The following GRIP1 variants were observed in gnomAD, a reference collection of about 807,000 sequenced individuals.
GRIP1 encodes the protein glutamate receptor interacting protein 1.
Under a neutral mutation model 129.9 loss-of-function variants are expected in GRIP1, and 45 were observed. The ratio of observed to expected loss-of-function variants is 0.35; its 90% CI spans 0.27 to 0.44. The LOEUF (loss-of-function observed/expected upper bound fraction) is 0.44, where lower values mean the gene tolerates loss of function less well. Ranked by LOEUF, GRIP1 falls within the 20% of genes least tolerant of loss-of-function variation. The pLI, the probability that GRIP1 is intolerant of heterozygous loss-of-function variation, is 1.00. For synonymous variants in GRIP1, 530 were observed against 520.8 expected (o/e 1.02, Z -0.24); for missense variants, 1,196 against 1,396.8 (o/e 0.86, Z 2.29).
intron 1 of GRIP1, among the ~76,000 whole-genome samples, chr12:66,766,693 C>T (rs770151795): frequency 3.9e-5 from 6 of 152,066 alleles, no homozygotes; most frequent in East Asian, 3.9e-4. Context: ...TCTCACGTTA[C>T]GAGCAAAACC....
intron 9 of GRIP1, among the ~76,000 whole-genome samples, chr12:66,457,703 G>A (rs1308542830): frequency 2.0e-5 from 3 of 152,162 alleles, no homozygotes; most frequent in African/African-American, 7.2e-5. Flanking sequence ...TGTGATGCCA[G>A]CTGAATTGGT....
chr12:66,471,228 A>G (rs1289956277), intron 7 of GRIP1, among the ~76,000 whole-genome samples: 1 of 152,240 alleles, frequency 6.6e-6, no homozygotes, highest in South Asian at 2.1e-4. Context: ...GAAACAAAAT[A>G]AGTAATACAA....
At chr12:66,809,839 T>G in intron 1 of GRIP1, among the ~76,000 whole-genome samples, 1 of 152,022 alleles carries the variant, frequency 6.6e-6, no homozygotes, top group Non-Finnish European at 1.5e-5. Flanking sequence ...TTTGTTTTGT[T>G]TTGAGACAGA....
intron 23 of GRIP1, 56 bp downstream of exon 23, chr12:66,371,638 C>T: frequency 9.1e-7 from 1 of 1,094,222 alleles, no homozygotes; most frequent in South Asian, 1.2e-5. Context: ...GGCGTACATG[C>T]TATGCAGAAT....
At chr12:66,468,698 T>A (rs2059355308) in intron 7 of GRIP1, among the ~76,000 whole-genome samples, 1 of 150,266 alleles carries the variant, frequency 6.7e-6, no homozygotes. Context: ...TTTCATGGCC[T>A]GTATATTTGC....
At chr12:67,068,444 A>G (rs2043668868) in intron 1 of GRIP1, among the ~76,000 whole-genome samples, 1 of 152,074 alleles carries the variant, frequency 6.6e-6, no homozygotes. Context: ...TCCCAGCCCC[A>G]GACCCTGATC....
chr12:66,422,838 G>C (rs2057855324), intron 14 of GRIP1, among the ~76,000 whole-genome samples: 1 of 152,066 alleles, frequency 6.6e-6, no homozygotes, highest in Admixed American at 6.6e-5. Context: ...ATGCCCATTG[G>C]GATGATGGGG....
At chr12:66,765,556 T>C (rs1039266651) in intron 1 of GRIP1, among the ~76,000 whole-genome samples, 2 of 152,236 alleles carry the variant, frequency 1.3e-5, no homozygotes, top group African/African-American at 4.8e-5. Context: ...GGACTAATTC[T>C]CATCTGTGGG....
chr12:66,750,498 T>G (rs1460419799), intron 1 of GRIP1, among the ~76,000 whole-genome samples: 1 of 152,172 alleles, frequency 6.6e-6, no homozygotes, highest in African/African-American at 2.4e-5. Context: ...CCTGGCTACT[T>G]TAGTCTACCT....
At chr12:66,832,556 A>G (rs758937476) in intron 1 of GRIP1, among the ~76,000 whole-genome samples, 2 of 152,184 alleles carry the variant, frequency 1.3e-5, no homozygotes, top group Non-Finnish European at 2.9e-5. Flanking sequence ...TGCACAACTT[A>G]GTAAGGAAGT....
chr12:66,676,875 C>T (rs2034360015), intron 1 of GRIP1, among the ~76,000 whole-genome samples: 1 of 152,116 alleles, frequency 6.6e-6, no homozygotes, highest in Non-Finnish European at 1.5e-5. Flanking sequence ...GGTGCTAGAA[C>T]TCAATGAATC....
chr12:66,627,663 TGAA>T (rs997242006), intron 1 of GRIP1, among the ~76,000 whole-genome samples: 1 of 152,140 alleles, frequency 6.6e-6, no homozygotes, highest in Non-Finnish European at 1.5e-5. Flanking sequence ...CCTGCAGATT[TGAA>T]GAAGGGGTTG....
At chr12:66,385,609 T>G (rs556259019) in intron 19 of GRIP1, among the ~76,000 whole-genome samples, 4 of 152,096 alleles carry the variant, frequency 2.6e-5, no homozygotes, top group Middle Eastern at 3.4e-3. Flanking sequence ...ATTTATTTAT[T>G]TATTTATTTA....
chr12:66,741,529 T>C (rs112660989), intron 1 of GRIP1, among the ~76,000 whole-genome samples: 1,920 of 152,326 alleles, frequency 0.013, 21 homozygotes, highest in Middle Eastern at 0.027. Context: ...AGTAGAAATA[T>C]TATGTGTGTC....
At chr12:67,053,847 A>T (rs7487949) in intron 1 of GRIP1, among the ~76,000 whole-genome samples, 20,959 of 151,926 alleles carry the variant, frequency 0.14, 1,530 homozygotes, top group African/African-American at 0.17. Context: ...CAAAAAAAAA[A>T]AAATAAATAT....
At chr12:66,888,630 T>A (rs2040605805) in intron 1 of GRIP1, among the ~76,000 whole-genome samples, 1 of 152,180 alleles carries the variant, frequency 6.6e-6, no homozygotes, top group African/African-American at 2.4e-5. Context: ...CCAAAAGTGC[T>A]GGAATTACAG....
intron 15 of GRIP1, among the ~76,000 whole-genome samples, chr12:66,414,813 A>T (rs2057528880): frequency 6.6e-6 from 1 of 151,862 alleles, no homozygotes; most frequent in Non-Finnish European, 1.5e-5. Context: ...CCATCTGATC[A>T]TCAAGAAACC....
intron 1 of GRIP1, among the ~76,000 whole-genome samples, chr12:66,785,946 G>A (rs1291494956): frequency 6.6e-6 from 1 of 152,094 alleles, no homozygotes; most frequent in African/African-American, 2.4e-5. Context: ...AGCCGGGCAT[G>A]GTGGCATGCA....
intron 1 of GRIP1, among the ~76,000 whole-genome samples, chr12:66,700,678 C>CT (rs2035321656): frequency 6.6e-6 from 1 of 152,002 alleles, no homozygotes; most frequent in South Asian, 2.1e-4. Flanking sequence ...TAAGGATAGG[C>CT]TGGGGGGGAG....
Sources: gnomAD v4.1 joint callset for allele counts (sites outside exome capture counted in the v4.1 genomes callset) on GRCh38, gnomAD v4.1.1 for gene constraint, MANE v1.5 for transcripts, NCBI Gene and HGNC (gene_info 2026-07-23, HGNC 2026-07-21) for gene names.